The following KIAA1328 variants were observed in gnomAD, a reference collection of about 807,000 sequenced individuals.
KIAA1328 encodes protein hinderin.
A neutral mutation model predicts 68.1 loss-of-function variants in KIAA1328; 52 were observed. The observed-to-expected ratio is 0.76, with a 90% confidence interval of 0.61 to 0.96. The LOEUF (loss-of-function observed/expected upper bound fraction) is 0.96, where lower values mean the gene tolerates loss of function less well. KIAA1328 is among the 40% of genes least tolerant of loss of function. The pLI, the probability that KIAA1328 is intolerant of heterozygous loss-of-function variation, is 0.00. For synonymous variants in KIAA1328, 232 were observed against 239.4 expected, an observed-to-expected ratio of 0.97 and a Z score of 0.28; for missense variants, 641 against 677.6, an observed-to-expected ratio of 0.95 and a Z score of 0.60.
At chr18:37,098,534 T>C (rs1041770632) in intron 7 of KIAA1328, among the ~76,000 whole-genome samples, 4 of 152,206 alleles carry the variant, frequency 2.6e-5, no homozygotes, top group Non-Finnish European at 4.4e-5. Context: ...TCTAAAATTC[T>C]CTTTTTTTGT....
intron 7 of KIAA1328, among the ~76,000 whole-genome samples, chr18:37,099,547 T>C (rs1422307090): frequency 6.6e-6 from 1 of 152,218 alleles, no homozygotes; most frequent in Non-Finnish European, 1.5e-5. Context: ...AGAATGTATA[T>C]TCTGTTGATT....
chr18:37,213,649 T>C (rs1214487789), intron 9 of KIAA1328, among the ~76,000 whole-genome samples: 1 of 152,196 alleles, frequency 6.6e-6, no homozygotes, highest in African/African-American at 2.4e-5. Flanking sequence ...TTTATACTCC[T>C]TTGGGTATAT....
intron 8 of KIAA1328, among the ~76,000 whole-genome samples, chr18:37,165,608 T>TG (rs1229369531): frequency 2.7e-5 from 4 of 148,364 alleles, no homozygotes; most frequent in African/African-American, 9.9e-5. Context: ...TTTTTTTTTT[T>TG]AGACAGAGTT....
At chr18:37,006,291 A>G (rs1296081848) in intron 6 of KIAA1328, among the ~76,000 whole-genome samples, 1 of 152,058 alleles carries the variant, frequency 6.6e-6, no homozygotes, top group East Asian at 1.9e-4. Flanking sequence ...TCAAGAGTAA[A>G]AGGTCAGAAT....
At chr18:37,003,197 T>C (rs1455250324) in intron 6 of KIAA1328, among the ~76,000 whole-genome samples, 1 of 152,002 alleles carries the variant, frequency 6.6e-6, no homozygotes, top group African/African-American at 2.4e-5. Context: ...CAACTCAAAA[T>C]GGATTAAAGG....
chr18:36,973,019 G>T (rs1165823432), intron 6 of KIAA1328, among the ~76,000 whole-genome samples: 1 of 152,162 alleles, frequency 6.6e-6, no homozygotes, highest in Non-Finnish European at 1.5e-5. Flanking sequence ...CTGTAGAATG[G>T]ATTATTTTTA....
chr18:36,914,115 A>G (rs530013409), intron 5 of KIAA1328, among the ~76,000 whole-genome samples: 1 of 152,322 alleles, frequency 6.6e-6, no homozygotes, highest in African/African-American at 2.4e-5. Flanking sequence ...ACAAATTCTT[A>G]GGGCGATTTG....
chr18:36,999,827 T>C (rs2053523103), intron 6 of KIAA1328, among the ~76,000 whole-genome samples: 1 of 151,438 alleles, frequency 6.6e-6, no homozygotes, highest in South Asian at 2.1e-4. Flanking sequence ...TGAAAACACA[T>C]GAAAGTATAA....
intron 6 of KIAA1328, among the ~76,000 whole-genome samples, chr18:37,015,427 A>G (rs1323814230): frequency 1.3e-5 from 2 of 152,154 alleles, no homozygotes; most frequent in Admixed American, 6.5e-5. Context: ...GAAGTCAGGT[A>G]GTGTAATGCA....
At chr18:37,092,905 G>C (rs1011659691) in intron 7 of KIAA1328, among the ~76,000 whole-genome samples, 2 of 152,120 alleles carry the variant, frequency 1.3e-5, no homozygotes, top group Admixed American at 1.3e-4. Context: ...GCTTAGACCT[G>C]CCACTCTCAG....
At chr18:37,124,068 G>T (rs2058334665) in intron 7 of KIAA1328, among the ~76,000 whole-genome samples, 1 of 152,116 alleles carries the variant, frequency 6.6e-6, no homozygotes, top group African/African-American at 2.4e-5. Context: ...GTTCTAAAAT[G>T]ATTTATGATC....
At chr18:37,113,579 G>A (rs1381904888) in intron 7 of KIAA1328, among the ~76,000 whole-genome samples, 2 of 152,160 alleles carry the variant, frequency 1.3e-5, no homozygotes, top group Admixed American at 6.5e-5. Context: ...GACCATTGAT[G>A]CTAGGAAGAA....
At chr18:37,006,512 G>A (rs1016755645) in intron 6 of KIAA1328, among the ~76,000 whole-genome samples, 3 of 151,954 alleles carry the variant, frequency 2.0e-5, no homozygotes, top group South Asian at 4.2e-4. Context: ...TTTAATAGTT[G>A]TATCTCTTCT....
At chr18:36,964,670 G>A (rs2051839846) in intron 6 of KIAA1328, among the ~76,000 whole-genome samples, 1 of 151,754 alleles carries the variant, frequency 6.6e-6, no homozygotes, top group African/African-American at 2.4e-5. Flanking sequence ...AATTTATTCA[G>A]CATTATAGGT....
At chr18:37,121,647 C>T (rs2058274989) in intron 7 of KIAA1328, among the ~76,000 whole-genome samples, 1 of 152,032 alleles carries the variant, frequency 6.6e-6, no homozygotes, top group Non-Finnish European at 1.5e-5. Flanking sequence ...TATATAATGA[C>T]TGGAAAGAAC....
chr18:36,959,515 T>C, intron 6 of KIAA1328, 80 bp downstream of exon 6: 3 of 1,419,572 alleles, frequency 2.1e-6, no homozygotes, highest in Non-Finnish European at 2.9e-6. Context: ...TTTATCTTAA[T>C]TTCCTCCCAG....
intron 9 of KIAA1328, among the ~76,000 whole-genome samples, chr18:37,185,009 A>T (rs1312849891): frequency 1.3e-5 from 2 of 151,390 alleles, no homozygotes; most frequent in African/African-American, 4.9e-5. Flanking sequence ...TAAAAATACA[A>T]AAAAAAATTA....
intron 9 of KIAA1328, among the ~76,000 whole-genome samples, chr18:37,203,311 T>TAAAAGG (rs2060149848): frequency 6.6e-6 from 1 of 152,096 alleles, no homozygotes; most frequent in Non-Finnish European, 1.5e-5. Context: ...TATAAACTTT[T>TAAAAGG]ATAGTTTTTC....
chr18:37,043,215 T>C (rs996135422), intron 6 of KIAA1328, among the ~76,000 whole-genome samples: 1 of 152,236 alleles, frequency 6.6e-6, no homozygotes, highest in Non-Finnish European at 1.5e-5. Flanking sequence ...TTGAAGTTTT[T>C]CTTTACAAGT....
Sources: gnomAD v4.1 joint callset for allele counts (sites outside exome capture counted in the v4.1 genomes callset) on GRCh38, gnomAD v4.1.1 for gene constraint, MANE v1.5 for transcripts, NCBI Gene and HGNC (gene_info 2026-07-23, HGNC 2026-07-21) for gene names.